HSD17B2: variants seen among roughly 807,000 people sequenced by gnomAD.
The protein encoded by HSD17B2 is 17-beta-hydroxysteroid dehydrogenase type 2.
A neutral mutation model predicts 26.9 loss-of-function variants in HSD17B2; 32 were observed. The observed-to-expected ratio is 1.19, with a 90% CI of 0.90 to 1.60. The LOEUF (loss-of-function observed/expected upper bound fraction) is 1.60, where lower values mean the gene tolerates loss of function less well. Ranked by LOEUF, HSD17B2 falls within the 40% of genes most tolerant of loss-of-function variation. The probability of loss-of-function intolerance (pLI) is 0.00; values close to 1 mark genes in which losing one functional copy is unlikely to be tolerated. For synonymous variants in HSD17B2, 246 were observed against 186.7 expected (o/e 1.32, Z -2.59); for missense variants, 613 against 468.6 (o/e 1.31, Z -2.85).
chr16:82,047,910 G>A (rs141255685), intron 1 of HSD17B2, among the ~76,000 whole-genome samples: 1,528 of 152,338 alleles, frequency 0.01, 10 homozygotes, highest in Middle Eastern at 0.027. Flanking sequence ...TGTAGAGAAT[G>A]ATTCTGAGGG....
intron 1 of HSD17B2, chr16:82,062,964 G>C (rs761321215): frequency 6.6e-6 from 1 of 152,254 alleles, no homozygotes; most frequent in Non-Finnish European, 1.5e-5. Context: ...AACATCATAA[G>C]TCAGAAATGA....
chr16:82,059,353 A>G (rs1468087572), intron 1 of HSD17B2, among the ~76,000 whole-genome samples: 1 of 152,188 alleles, frequency 6.6e-6, no homozygotes, highest in African/African-American at 2.4e-5. Flanking sequence ...ACATTGCCAG[A>G]TATTCCCCAG....
At position 82,098,293 on chromosome 16, in the gene HSD17B2, G is replaced by C. The variant is rs201544106; in HGVS notation, c.1021G>C (p.Gly341Arg). Residue 341 changes from glycine (G) to arginine (R), a missense_variant, in exon 5 of 5, where the codon GGG becomes CGG. By Grantham distance (125) the Gly-to-Arg change is moderately radical. Coordinates refer to ENST00000199936, the MANE Select transcript of HSD17B2 (RefSeq NM_002153.3). The part of the protein sequence containing the change: ...AKSPFAYYTP[G>R]KGAYLWICLA... ...GAGCCCTTTTGCCTATTACACGCCA[G>C]GGAAAGGCGCTTACTTGTGGATCTG... 5.0e-6 allele frequency: 8 copies of C among 1,614,178 alleles called. No homozygotes were observed. The highest frequency in any genetic ancestry group is 1.3e-5 in the African/African-American group (1 of 75,048).
At chr16:82,092,413 A>T (rs1904722259) in intron 4 of HSD17B2, 1 of 152,212 alleles carries the variant, frequency 6.6e-6, no homozygotes, top group African/African-American at 2.4e-5. Context: ...TGAAGATGTA[A>T]AAAGTATGTC....
Position 82,068,380 on chromosome 16 carries a change from G to A in HSD17B2, c.476G>A (p.Arg159Lys). The change falls in exon 2 of 5, where the codon AGA becomes AAA. Residue 159 changes from arginine to lysine, a missense_variant and splice_region_variant. Coordinates refer to ENST00000199936, the MANE Select transcript of HSD17B2 (RefSeq NM_002153.3). The part of the protein sequence containing the change: ...YSKVAAMLQD[R>K]GLWAVINNAG... ...AAGGTTGCAGCAATGCTGCAGGACAGAGGTACTGCCGCCAGCACCCTCAGT... is the reference window on the plus strand; with the variant it reads ...AAGGTTGCAGCAATGCTGCAGGACAAAGGTACTGCCGCCAGCACCCTCAGT... The A allele has an allele frequency of 8.1e-6, 13 of 1,608,996 alleles. No individual in the cohort carries two copies. The highest frequency in any genetic ancestry group is 1.1e-5 in the Non-Finnish European group (13 of 1,177,876).
chr16:82,073,390 A>AT (rs1481378462), intron 3 of HSD17B2, among the ~76,000 whole-genome samples: 3 of 151,564 alleles, frequency 2.0e-5, no homozygotes, highest in African/African-American at 4.8e-5. Context: ...CACCTAGCTA[A>AT]TTTTTTTGTA....
intron 3 of HSD17B2, among the ~76,000 whole-genome samples, chr16:82,080,489 A>T (rs148690966): frequency 4.8e-4 from 73 of 152,300 alleles, no homozygotes; most frequent in African/African-American, 1.7e-3. Flanking sequence ...GGCTTCTAGA[A>T]GCTGGAAAAG....
chr16:82,072,034 A>T lies in HSD17B2; in HGVS notation c.664+907A>T, dbSNP rs1020735938. On this transcript the variant is annotated intron_variant, in intron 3 of 4. Coordinates refer to ENST00000199936, the MANE Select transcript of HSD17B2 (RefSeq NM_002153.3). The stretch of plus-strand genomic sequence containing the variant: ...TTTTGTGCTTTTTTTGGTAATGTGA[A>T]TATCAGTTCTAGAATGATTTGGTCA... 2.6e-5 allele frequency: 4 copies of T among 152,212 alleles called. No homozygotes were observed. In the East Asian group the frequency reaches 7.7e-4, roughly 29 times the overall value. 9.4% of individuals were successfully genotyped at this position (152,212 alleles called of 1,614,324 possible). A position where few individuals can be genotyped will look rare whatever the true frequency, so the allele number is the denominator to read the frequency against.
At chr16:82,047,255 T>A (rs1342310475) in intron 1 of HSD17B2, among the ~76,000 whole-genome samples, 1 of 152,234 alleles carries the variant, frequency 6.6e-6, no homozygotes, top group Non-Finnish European at 1.5e-5. Flanking sequence ...GTTTGTTACC[T>A]GGCTACCTTT....
chr16:82,079,990 G>A (rs187692177), intron 3 of HSD17B2, among the ~76,000 whole-genome samples: 101 of 152,144 alleles, frequency 6.6e-4, no homozygotes, highest in African/African-American at 2.3e-3. Context: ...GAAGAAGCAC[G>A]TGGTTGCCCT....
At chr16:82,049,868 C>G (rs1367519492) in intron 1 of HSD17B2, among the ~76,000 whole-genome samples, 2 of 152,214 alleles carry the variant, frequency 1.3e-5, no homozygotes, top group African/African-American at 4.8e-5. Flanking sequence ...AGTGGGGCTG[C>G]ATGCATACAG....
In HSD17B2 at chr16:82,053,595, G is replaced by C. The variant is rs140056250; in HGVS notation, c.266-14575G>C. Among the ~76,000 whole-genome samples, 723 of 152,320 alleles carry C rather than the reference G, an allele frequency of 4.7e-3. 9 individuals carry two copies. The highest frequency in any genetic ancestry group is 0.016 in the African/African-American group (659 of 41,570). The stretch of plus-strand genomic sequence containing the variant: ...CTAGACTGTAAGACCTTGAGGCCAA[G>C]AACTGTGTCCATCTTGGTCACCATT... On this transcript the variant is annotated intron_variant, in intron 1 of 4. Transcript: ENST00000199936.
Position 82,098,116 on chromosome 16 carries a change from G to T in HSD17B2, c.844G>T (p.Asp282Tyr). The change falls in exon 5 of 5, where the codon GAC becomes TAC. Residue 282 changes from aspartate to tyrosine, a missense_variant. Transcript: ENST00000199936. ...TSDKWEKLEK[D>Y]ILDHLPAEVQ... ...TGACAAGTGGGAAAAGCTGGAGAAG[G>T]ACATTCTGGACCACCTCCCCGCTGA... The T allele has an allele frequency of 6.2e-7, 1 of 1,613,892 alleles. No homozygotes were observed. The highest frequency in any genetic ancestry group is 8.5e-7 in the Non-Finnish European group (1 of 1,179,932).
chr16:82,055,840 G>T (rs761465244), intron 1 of HSD17B2, among the ~76,000 whole-genome samples: 2 of 152,136 alleles, frequency 1.3e-5, no homozygotes, highest in African/African-American at 2.4e-5. Context: ...TGTGAGTGAG[G>T]GTGGCGAATT....
At chr16:82,044,755 A>G (rs1308051792) in intron 1 of HSD17B2, 1 of 152,246 alleles carries the variant, frequency 6.6e-6, no homozygotes, top group African/African-American at 2.4e-5. Flanking sequence ...ACTGAAAGCT[A>G]TCCCTCCATA....
In HSD17B2 at chr16:82,098,259, C is replaced by A; in HGVS notation, c.987C>A (p.Ile329=). ...SPVLRDIQHA[I]LAKSPFAYYT... is the part of the protein sequence containing the mutation. ...TGCTGCGGGACATCCAGCATGCTAT[C>A]TTGGCGAAGAGCCCTTTTGCCTATT... is the stretch of plus-strand genomic sequence containing the variant. Residue 329 remains isoleucine, a synonymous_variant, in exon 5 of 5, where the codon ATC becomes ATA. Coordinates refer to ENST00000199936, the MANE Select transcript of HSD17B2 (RefSeq NM_002153.3). The A allele has an allele frequency of 6.2e-7, 1 of 1,614,224 alleles. No individual in the cohort carries two copies. Among genetic ancestry groups the A allele is most frequent in the Non-Finnish European group, 8.5e-7 (1 of 1,180,032 alleles).
At chr16:82,097,350 TACACACACACACACAC>T (rs142351864) in intron 4 of HSD17B2, 1 of 101,716 alleles carries the variant, frequency 9.8e-6, no homozygotes, top group Non-Finnish European at 2.4e-5. Flanking sequence ...TATATATGTG[TACACACACACACACAC>T]ACACACACAC....
At chr16:82,088,274 G>A (rs1251068239) in intron 3 of HSD17B2, among the ~76,000 whole-genome samples, 1 of 152,176 alleles carries the variant, frequency 6.6e-6, no homozygotes, top group Middle Eastern at 3.2e-3. Context: ...GGGCTATTGA[G>A]ATATTATTTT....
intron 1 of HSD17B2, among the ~76,000 whole-genome samples, chr16:82,049,160 G>A (rs1270863930): frequency 6.6e-6 from 1 of 152,096 alleles, no homozygotes. Flanking sequence ...GTTCTTTACT[G>A]GGAGCAATTT....
Sources: allele counts gnomAD v4.1 joint callset (sites outside exome capture counted in the v4.1 genomes callset), GRCh38; gene constraint gnomAD v4.1.1; transcripts MANE v1.5; gene names NCBI Gene and HGNC (gene_info 2026-07-23, HGNC 2026-07-21).